MAGI2: variants seen among roughly 807,000 people sequenced by gnomAD.
MAGI2 encodes the protein membrane associated guanylate kinase, WW and PDZ domain containing 2, also known as membrane-associated guanylate kinase, WW and PDZ domain-containing protein 2.
A neutral mutation model predicts 133.3 loss-of-function variants in MAGI2; 35 were observed. The observed-to-expected ratio is 0.26, with a 90% CI of 0.20 to 0.35. The LOEUF is 0.35. Among genes scored for constraint, MAGI2 ranks in the 10% least tolerant of loss-of-function variants. The probability of loss-of-function intolerance (pLI) is 1.00; values close to 1 mark genes in which losing one functional copy is unlikely to be tolerated. For missense variants in MAGI2, 1,636 were observed against 1,863.4 expected, an observed-to-expected ratio of 0.88 and a Z score of 2.25; for synonymous variants, 729 against 710.6, an observed-to-expected ratio of 1.03 and a Z score of -0.41.
intron 10 of MAGI2, among the ~76,000 whole-genome samples, chr7:78,212,194 A>C (rs1371753367): frequency 1.3e-5 from 2 of 152,198 alleles, no homozygotes; most frequent in Non-Finnish European, 2.9e-5. Context: ...TCCTCAAATA[A>C]TTGTTTGGTG....
chr7:78,994,598 A>G (rs909116695), intron 2 of MAGI2, among the ~76,000 whole-genome samples: 5 of 152,112 alleles, frequency 3.3e-5, no homozygotes, highest in African/African-American at 1.2e-4. Flanking sequence ...TATAGTGACT[A>G]AGGAGGTAAC....
At chr7:79,075,027 C>G (rs1193562082) in intron 1 of MAGI2, among the ~76,000 whole-genome samples, 2 of 152,018 alleles carry the variant, frequency 1.3e-5, no homozygotes, top group Non-Finnish European at 2.9e-5. Flanking sequence ...AGGTTTTTAC[C>G]TTATGGATGT....
chr7:79,096,102 C>A (rs1040663815), intron 1 of MAGI2, among the ~76,000 whole-genome samples: 5 of 152,126 alleles, frequency 3.3e-5, no homozygotes, highest in African/African-American at 9.7e-5. Context: ...TGGCCCTGCA[C>A]TGTGCTGTAG....
At chr7:79,334,123 G>A (rs1840271734) in intron 1 of MAGI2, among the ~76,000 whole-genome samples, 1 of 152,128 alleles carries the variant, frequency 6.6e-6, no homozygotes, top group Admixed American at 6.6e-5. Context: ...TTGGACTGAG[G>A]AAAGGACTTG....
intron 3 of MAGI2, among the ~76,000 whole-genome samples, chr7:78,584,111 C>T (rs941143090): frequency 2.6e-5 from 4 of 152,038 alleles, no homozygotes; most frequent in South Asian, 2.1e-4. Context: ...TAGCTCAGAG[C>T]GGGAGTCAAC....
intron 10 of MAGI2, among the ~76,000 whole-genome samples, chr7:78,205,835 G>A (rs1013150239): frequency 2.0e-5 from 3 of 152,080 alleles, no homozygotes; most frequent in South Asian, 2.1e-4. Context: ...TTATTGTCAG[G>A]AATCTTGATT....
chr7:78,914,218 G>A (rs1798619815), intron 2 of MAGI2, among the ~76,000 whole-genome samples: 1 of 152,090 alleles, frequency 6.6e-6, no homozygotes, highest in Admixed American at 6.6e-5. Context: ...TCCTAACACA[G>A]ATAAAGGATT....
rs1825721740 is a variant in MAGI2, at chr7:79,172,572, C to A, written c.302-165366G>T. 2.0e-5 allele frequency among the ~76,000 whole-genome samples: 3 copies of A among 152,056 alleles called. No homozygotes were observed. The East Asian group carries it at 5.8e-4, about 29-fold the overall frequency. Reference sequence around the variant, plus strand: ...CAAATTAGAAATGCCATATGAGTATCAGAATAGTTGAGTAAAATATGCTCT... The same window carrying A: ...CAAATTAGAAATGCCATATGAGTATAAGAATAGTTGAGTAAAATATGCTCT... On this transcript the variant is annotated intron_variant, in intron 1 of 21. Coordinates refer to ENST00000354212, the MANE Select transcript of MAGI2 (RefSeq NM_012301.4).
intron 6 of MAGI2, among the ~76,000 whole-genome samples, chr7:78,466,702 C>T (rs1299189910): frequency 1.3e-5 from 2 of 152,104 alleles, no homozygotes; most frequent in East Asian, 3.9e-4. Flanking sequence ...TGAGGGCATA[C>T]TACGTGGTGG....
chr7:78,681,030 C>T (rs1815592284), intron 2 of MAGI2, among the ~76,000 whole-genome samples: 1 of 152,124 alleles, frequency 6.6e-6, no homozygotes, highest in Admixed American at 6.6e-5. Flanking sequence ...CCTGGACAGA[C>T]AAGTTCTTTG....
intron 2 of MAGI2, among the ~76,000 whole-genome samples, chr7:78,704,250 G>C (rs1297333099): frequency 6.6e-6 from 1 of 152,032 alleles, no homozygotes; most frequent in Non-Finnish European, 1.5e-5. Context: ...ATTAAAAAGT[G>C]AGCAAAAAAC....
intron 9 of MAGI2, among the ~76,000 whole-genome samples, chr7:78,324,689 G>C (rs147830259): frequency 6.6e-6 from 1 of 152,098 alleles, no homozygotes; most frequent in Non-Finnish European, 1.5e-5. Context: ...GCCCAGGTGC[G>C]GTGGCTCACA....
intron 19 of MAGI2, 109 bp from the exon 20 acceptor site, chr7:78,125,946 G>T: frequency 8.9e-7 from 1 of 1,123,504 alleles, no homozygotes; most frequent in Non-Finnish European, 1.3e-6. Context: ...TATTCCAAAT[G>T]ACATGATGTT....
At chr7:78,549,326 A>T (rs981168353) in intron 3 of MAGI2, among the ~76,000 whole-genome samples, 1 of 152,042 alleles carries the variant, frequency 6.6e-6, no homozygotes, top group African/African-American at 2.4e-5. Context: ...ACCATAGTGG[A>T]TCAAGACAAA....
At chr7:78,305,387 C>T (rs1044706091) in intron 9 of MAGI2, among the ~76,000 whole-genome samples, 5 of 152,160 alleles carry the variant, frequency 3.3e-5, no homozygotes, top group Non-Finnish European at 7.3e-5. Flanking sequence ...AGACAGCGAG[C>T]GTGTCTACTT....
At chr7:78,173,748 G>A (rs1027432126) in intron 14 of MAGI2, among the ~76,000 whole-genome samples, 2 of 152,114 alleles carry the variant, frequency 1.3e-5, no homozygotes, top group Non-Finnish European at 2.9e-5. Context: ...AGTCCTCTGG[G>A]TTGGGTACTG....
In MAGI2 at chr7:79,179,068, T is replaced by A. The variant is rs926572196; in HGVS notation, c.302-171862A>T. ...CCTCAGCAAACATCATAAACAACAATCCTCACCATCATGGTATAGTCATCT... is the reference window on the plus strand; with the variant it reads ...CCTCAGCAAACATCATAAACAACAAACCTCACCATCATGGTATAGTCATCT... On this transcript the variant is annotated intron_variant, in intron 1 of 21. Coordinates refer to ENST00000354212, the MANE Select transcript of MAGI2 (RefSeq NM_012301.4). Among the ~76,000 whole-genome samples the A allele has an allele frequency of 2.6e-5, 4 of 152,048 alleles. No individual in the cohort carries two copies. The South Asian group carries it at 6.2e-4, about 24-fold the overall frequency.
At chr7:78,445,424 A>G (rs1047680846) in intron 6 of MAGI2, among the ~76,000 whole-genome samples, 2 of 152,086 alleles carry the variant, frequency 1.3e-5, no homozygotes, top group Admixed American at 1.3e-4. Context: ...CAGAAAGATT[A>G]TGAAAAAAGG....
chr7:78,729,937 T>C (rs1448337162), intron 2 of MAGI2, among the ~76,000 whole-genome samples: 2 of 152,110 alleles, frequency 1.3e-5, no homozygotes, highest in African/African-American at 4.8e-5. Context: ...AATTTAGAAC[T>C]TCTGAGTTTG....
Sources: gnomAD v4.1 joint callset for allele counts (sites outside exome capture counted in the v4.1 genomes callset) on GRCh38, gnomAD v4.1.1 for gene constraint, MANE v1.5 for transcripts, NCBI Gene and HGNC (gene_info 2026-07-23, HGNC 2026-07-21) for gene names.